PVALEF: variants seen among roughly 807,000 people sequenced by gnomAD.
PVALEF encodes the protein parvalbumin like EF-hand containing.
In PVALEF, 2 loss-of-function variants were observed where a neutral mutation model predicts 1.2. The ratio of observed to expected loss-of-function variants is 1.68; its 90% confidence interval spans 0.69 to 5.28. The LOEUF (loss-of-function observed/expected upper bound fraction) is 5.28. Among genes scored for constraint, PVALEF ranks in the 30% most tolerant of loss-of-function variants. The probability of loss-of-function intolerance (pLI) is 0.06; values close to 1 mark genes in which losing one functional copy is unlikely to be tolerated. For synonymous variants in PVALEF, 16 were observed against 6.5 expected, an observed-to-expected ratio of 2.47 and a Z score of -2.24; for missense variants, 35 against 17.7, an observed-to-expected ratio of 1.97 and a Z score of -1.75.
chr17:81,182,456 G>C (rs1370133113), intron 6 of PVALEF, among the ~76,000 whole-genome samples: 4 of 152,320 alleles, frequency 2.6e-5, no homozygotes, highest in Middle Eastern at 3.4e-3. Context: ...GGCACACAAG[G>C]TGGGCTGGGC....
At position 81,171,227 on chromosome 17, in the gene PVALEF, G is replaced by A. The variant is rs72858428; in HGVS notation, c.-340+4383G>A. Among the ~76,000 whole-genome samples, 533 of 152,312 alleles carry A rather than the reference G, an allele frequency of 3.5e-3. 3 individuals carry two copies. The highest frequency in any genetic ancestry group is 6.8e-3 in the Middle Eastern group (2 of 294). On this transcript the variant is annotated intron_variant, in intron 2 of 6. Transcript: ENST00000637878. Reference sequence around the variant, plus strand: ...GGCAGGGCTGGAGGCCAGGAGGGGCGGCTCTGAACAGAAATGAAGCCGAAA... The same window carrying A: ...GGCAGGGCTGGAGGCCAGGAGGGGCAGCTCTGAACAGAAATGAAGCCGAAA...
intron 2 of PVALEF, among the ~76,000 whole-genome samples, chr17:81,177,473 G>A (rs541661702): frequency 1.2e-4 from 18 of 150,382 alleles, no homozygotes; most frequent in East Asian, 1.2e-3. Flanking sequence ...GCTTGAACCC[G>A]GGAGGCGGAG....
chr17:81,165,910 C>T (rs780523489), intron 1 of PVALEF, 163 bp downstream of exon 1: 3 of 1,565,636 alleles, frequency 1.9e-6, no homozygotes, highest in East Asian at 2.4e-5. Context: ...GAGGCAGCGG[C>T]GCGCAGGCCG....
rs557820939 is a variant in PVALEF, at chr17:81,170,042, ATG to A, written c.-340+3205_-340+3206del. 7.6e-4 allele frequency among the ~76,000 whole-genome samples: 102 copies of A among 134,778 alleles called. 1 individual carries two copies. Among genetic ancestry groups the A allele is most frequent in the East Asian group, 4.6e-3 (22 of 4,812 alleles). The allele number at this position is 134,778 out of a possible 152,430, so 88.4% of individuals were successfully genotyped here. On this transcript the variant is annotated intron_variant, in intron 2 of 6. Coordinates refer to ENST00000637878, the MANE Select transcript of PVALEF (RefSeq NM_001354639.2). ...TGTGCATATGTGTAGGTGTGTTGGC[ATG>A]TGTGTGCATGTGTGTTGGTGTGTAT...
At chr17:81,182,516 T>C (rs978719400) in intron 6 of PVALEF, among the ~76,000 whole-genome samples, 11 of 152,198 alleles carry the variant, frequency 7.2e-5, no homozygotes, top group Non-Finnish European at 1.5e-4. Flanking sequence ...TGCCTGGGTC[T>C]AGAAACCCCA....
rs757326962 is a variant in PVALEF, at chr17:81,166,782, C to A, written c.-402C>A. 6.6e-6 allele frequency: 3 copies of A among 456,126 alleles called. No individual in the cohort carries two copies. The highest frequency in any genetic ancestry group is 2.0e-5 in the African/African-American group (1 of 50,018). 28.3% of individuals were successfully genotyped at this position (456,126 alleles called of 1,614,324 possible). On this transcript the variant is annotated 5_prime_UTR_variant, in exon 2 of 7. Transcript: ENST00000637878. ...TTTGCACACAGGCCTGCTCCTGTAC[C>A]GTGCTGCGACAGCCATGAAGGAAGA...
chr17:81,172,887 C>T (rs1347841532), intron 2 of PVALEF, among the ~76,000 whole-genome samples: 3 of 152,078 alleles, frequency 2.0e-5, no homozygotes, highest in Non-Finnish European at 4.4e-5. Flanking sequence ...ACCGAGAAAG[C>T]GGATACTGCA....
chr17:81,168,160 T>G (rs2061506088), intron 2 of PVALEF, among the ~76,000 whole-genome samples: 1 of 152,190 alleles, frequency 6.6e-6, no homozygotes, highest in Admixed American at 6.5e-5. Flanking sequence ...CGTGGGTGGT[T>G]GCTGGTTGGC....
At chr17:81,179,509 C>T (rs1359832312) in intron 3 of PVALEF, among the ~76,000 whole-genome samples, 4 of 152,168 alleles carry the variant, frequency 2.6e-5, no homozygotes, top group Admixed American at 2.6e-4. Flanking sequence ...TCACTCTGTC[C>T]CTAGGCCCCC....
chr17:81,180,985 C>CT, intron 3 of PVALEF, 138 bp from the exon 4 acceptor site: 1 of 471,136 alleles, frequency 2.1e-6, no homozygotes, highest in Non-Finnish European at 3.8e-6. Flanking sequence ...CCGTGAGGCG[C>CT]ACAGGATGGC....
In PVALEF at chr17:81,165,718, C is replaced by A. The variant is rs1355928912; in HGVS notation, c.-537C>A. 3.9e-6 allele frequency: 6 copies of A among 1,521,504 alleles called. No homozygotes were observed. In the African/African-American group the frequency reaches 5.5e-5, roughly 14 times the overall value. 94.3% of individuals were successfully genotyped at this position (1,521,504 alleles called of 1,614,324 possible). A position where few individuals can be genotyped will look rare whatever the true frequency, so the allele number is the denominator to read the frequency against. On this transcript the variant is annotated 5_prime_UTR_variant, in exon 1 of 7. Transcript: ENST00000637878. ...AGGCAGCCACGGAGTCACGACCACG[C>A]GGGGGACGCCAGCCCACAGGCGGAG...
chr17:81,179,994 C>T (rs1234217854), intron 3 of PVALEF, among the ~76,000 whole-genome samples: 1 of 152,172 alleles, frequency 6.6e-6, no homozygotes, highest in East Asian at 1.9e-4. Context: ...CCCGCAGCCT[C>T]CCCCGGCCGG....
rs917515455 is a variant in PVALEF at position 81,181,341 on chromosome 17, T to C, written c.106+9T>C. 3.1e-6 allele frequency: 2 copies of C among 648,808 alleles called. No individual in the cohort carries two copies. Among genetic ancestry groups the C allele is most frequent in the African/African-American group, 1.8e-5 (1 of 56,182 alleles). 40.2% of individuals were successfully genotyped at this position (648,808 alleles called of 1,614,324 possible). On this transcript the variant is annotated intron_variant, in intron 4 of 6. Coordinates refer to ENST00000637878, the MANE Select transcript of PVALEF (RefSeq NM_001354639.2). ...AGACATGAGACACCACGGTACAGCA[T>C]GCCCCCGCCCGGCGCGGCCCCCCGC...
chr17:81,174,997 T>C (rs1160516777), intron 2 of PVALEF, among the ~76,000 whole-genome samples: 3 of 151,284 alleles, frequency 2.0e-5, no homozygotes, highest in Non-Finnish European at 2.9e-5. Flanking sequence ...TGATGTTATA[T>C]GTAAAGAATC....
intron 1 of PVALEF, chr17:81,166,173 G>A: frequency 5.3e-6 from 1 of 189,724 alleles, no homozygotes; most frequent in Non-Finnish European, 9.3e-6. Context: ...GGCGACAGAC[G>A]AGGCGCTCCG....
At chr17:81,168,435 T>G (rs2061506787) in intron 2 of PVALEF, among the ~76,000 whole-genome samples, 1 of 152,068 alleles carries the variant, frequency 6.6e-6, no homozygotes, top group African/African-American at 2.4e-5. Context: ...ACACCCCTTC[T>G]CCAGGAAGCA....
chr17:81,182,567 G>A (rs1342799679), intron 6 of PVALEF, among the ~76,000 whole-genome samples: 1 of 152,156 alleles, frequency 6.6e-6, no homozygotes, highest in Admixed American at 6.5e-5. Flanking sequence ...AGGCTTGACA[G>A]GCATCCTGAC....
intron 2 of PVALEF, among the ~76,000 whole-genome samples, chr17:81,177,381 C>T (rs1018271075): frequency 6.6e-6 from 1 of 151,570 alleles, no homozygotes; most frequent in Admixed American, 6.6e-5. Flanking sequence ...AACTCAGTCT[C>T]TACTAAAAAT....
chr17:81,169,221 C>T (rs1269940255), intron 2 of PVALEF, among the ~76,000 whole-genome samples: 1 of 152,184 alleles, frequency 6.6e-6, no homozygotes, highest in Non-Finnish European at 1.5e-5. Context: ...GCTGCCCACC[C>T]TGGTGAAGAT....
Sources: gnomAD v4.1 joint callset for allele counts (sites outside exome capture counted in the v4.1 genomes callset) on GRCh38, gnomAD v4.1.1 for gene constraint, MANE v1.5 for transcripts, NCBI Gene and HGNC (gene_info 2026-07-23, HGNC 2026-07-21) for gene names.